The following HSD11B1L variants were observed in gnomAD, a reference collection of about 807,000 sequenced individuals.
HSD11B1L encodes hydroxysteroid 11-beta-dehydrogenase 1-like protein.
Under a neutral mutation model 27.0 loss-of-function variants are expected in HSD11B1L, and 22 were observed. The ratio of observed to expected loss-of-function variants is 0.81; its 90% CI spans 0.58 to 1.16. The LOEUF (loss-of-function observed/expected upper bound fraction) is 1.16, where lower values mean the gene tolerates loss of function less well. Among genes scored for constraint, HSD11B1L ranks in the 50% most tolerant of loss-of-function variants. HSD11B1L has a pLI of 0.00. For missense variants in HSD11B1L, 372 were observed against 401.8 expected, an observed-to-expected ratio of 0.93 and a Z score of 0.63; for synonymous variants, 187 against 189.2, an observed-to-expected ratio of 0.99 and a Z score of 0.09.
In HSD11B1L at chr19:5,685,141, T is replaced by C. The variant is rs937463970; in HGVS notation, c.204+22T>C. On this transcript the variant is annotated intron_variant, in intron 3 of 7. Transcript: ENST00000339423. This position sits in a 1 kb window ranked among gnomAD's most constrained non-coding sequence, Gnocchi z 4.3. ...GAAGGTGAGCCACCCCATGTCTAGATGAATGGTGGGGGTGCTCATGGGGGG... is the reference window on the plus strand; with the variant it reads ...GAAGGTGAGCCACCCCATGTCTAGACGAATGGTGGGGGTGCTCATGGGGGG... 113 of 1,542,120 alleles carry C rather than the reference T, an allele frequency of 7.3e-5. No individual in the cohort carries two copies. Among genetic ancestry groups the C allele is most frequent in the Non-Finnish European group, 9.3e-5 (107 of 1,146,776 alleles).
At position 5,686,903 on chromosome 19, in the gene HSD11B1L, G is replaced by C; in HGVS notation, c.320G>C (p.Gly107Ala). 4.5e-6 allele frequency: 7 copies of C among 1,547,792 alleles called. No homozygotes were observed. Among genetic ancestry groups the C allele is most frequent in the Non-Finnish European group, 6.1e-6 (7 of 1,146,254 alleles). ...CTGACCGGCGTTTCTGGGCCAGGCG[G>C]GCTGGACTACCTCGTGCTGAACCAC... is the stretch of plus-strand genomic sequence containing the variant. Reference protein sequence around the residue: ...VVQFALDKLGGLDYLVLNHIG... With the variant: ...VVQFALDKLGALDYLVLNHIG... Residue 107 changes from glycine (G) to alanine (A), a missense_variant, in exon 5 of 8, where the codon GGG (glycine) becomes GCG (alanine). Transcript: ENST00000339423.
At chr19:5,681,939 A>G (rs1406587211) in intron 1 of HSD11B1L, among the ~76,000 whole-genome samples, 1 of 152,210 alleles carries the variant, frequency 6.6e-6, no homozygotes, top group Middle Eastern at 3.2e-3. Context: ...CAGTCAGTGT[A>G]GAGCTGGGGG....
chr19:5,681,598 C>A (rs1335822817), intron 1 of HSD11B1L, among the ~76,000 whole-genome samples: 2 of 152,140 alleles, frequency 1.3e-5, no homozygotes, highest in Non-Finnish European at 2.9e-5. Context: ...ATCTATTTAT[C>A]TGGCCACCCA....
At chr19:5,683,976 GTT>G (rs1278617758) in intron 1 of HSD11B1L, 2 of 402,324 alleles carry the variant, frequency 5.0e-6, no homozygotes, top group Non-Finnish European at 8.8e-6. Flanking sequence ...TTCTTTTTTT[GTT>G]TGTTTGTTTG....
Position 5,688,186 on chromosome 19 carries a change from C to T in HSD11B1L, c.*241C>T. ...GACTTGCAAGGCCTCACCTGTTTGG[C>T]CATGATTGATGACGTGACTGCTTCC... On this transcript the variant is annotated 3_prime_UTR_variant, in exon 8 of 8. Coordinates refer to ENST00000339423, the MANE Select transcript of HSD11B1L (RefSeq NM_198706.3). 1 of 1,548,432 alleles carries T rather than the reference C, an allele frequency of 6.5e-7. No individual in the cohort carries two copies. Among genetic ancestry groups the T allele is most frequent in the Non-Finnish European group, 8.7e-7 (1 of 1,146,244 alleles).
chr19:5,682,342 G>A (rs773516529), intron 1 of HSD11B1L, among the ~76,000 whole-genome samples: 2 of 152,190 alleles, frequency 1.3e-5, no homozygotes, highest in Non-Finnish European at 2.9e-5. Flanking sequence ...ATCGGAGATG[G>A]AAGGGAGGCC....
chr19:5,685,206 G>C lies in HSD11B1L; in HGVS notation c.204+87G>C, dbSNP rs370222028. On this transcript the variant is annotated intron_variant, in intron 3 of 7. Coordinates refer to ENST00000339423, the MANE Select transcript of HSD11B1L (RefSeq NM_198706.3). This position sits in a 1 kb window ranked among gnomAD's most constrained non-coding sequence, Gnocchi z 4.3. ...GGGTTTAATCCCTGCAATGATCCAG[G>C]CTTCCCGTGTGACCTTGGGCAAGTC... The C allele has an allele frequency of 2.0e-6, 3 of 1,493,884 alleles. No individual in the cohort carries two copies. The highest frequency in any genetic ancestry group is 1.4e-5 in the African/African-American group (1 of 72,148). The allele number at this position is 1,493,884 out of a possible 1,614,324, so 92.5% of individuals were successfully genotyped here. A position where few individuals can be genotyped will look rare whatever the true frequency, so the allele number is the denominator to read the frequency against.
chr19:5,687,562 T>C lies in HSD11B1L; in HGVS notation c.562T>C (p.Phe188Leu). The change falls in exon 7 of 8, where the codon TTC becomes CTC. Residue 188 changes from phenylalanine (F) to leucine (L), a missense_variant. Physicochemically the swap from Phe to Leu is conservative, Grantham distance 22 (BLOSUM62 0). Transcript: ENST00000339423. The surrounding 1 kb of genome is among the most constrained non-coding windows in gnomAD (Gnocchi z 6.6). Reference sequence around the variant, plus strand: ...GGCGGCCAAGTTTGCGCTGGACGGCTTCTTCGGCTCCCTGCGGCGGGAGCT... The same window carrying C: ...GGCGGCCAAGTTTGCGCTGGACGGCCTCTTCGGCTCCCTGCGGCGGGAGCT... ...YSAAKFALDG[F>L]FGSLRRELDV... The C allele has an allele frequency of 6.2e-7, 1 of 1,600,186 alleles. No homozygotes were observed. Among genetic ancestry groups the C allele is most frequent in the South Asian group, 1.1e-5 (1 of 90,960 alleles).
chr19:5,682,081 C>T (rs912769126), intron 1 of HSD11B1L, among the ~76,000 whole-genome samples: 2 of 152,212 alleles, frequency 1.3e-5, no homozygotes, highest in South Asian at 2.1e-4. Flanking sequence ...GAGAACTGAA[C>T]GATTCATAGA....
chr19:5,687,180 G>A lies in HSD11B1L; in HGVS notation c.409-102G>A. ...CCTCGGACCCGCCTTCCGGGTTTCT[G>A]GCCCCGTCTCTGACCCGGCCCTGGC... On this transcript the variant is annotated intron_variant, in intron 5 of 7. Transcript: ENST00000339423. The surrounding 1 kb of genome is among the most constrained non-coding windows in gnomAD (Gnocchi z 6.6). 7.4e-7 allele frequency: 1 copy of A among 1,342,678 alleles called. No homozygotes were observed. Among genetic ancestry groups the A allele is most frequent in the South Asian group, 1.3e-5 (1 of 77,872 alleles). 83.2% of individuals were successfully genotyped at this position (1,342,678 alleles called of 1,614,324 possible).
intron 4 of HSD11B1L, 49 bp from the exon 5 acceptor site, chr19:5,686,851 C>A (rs778091679): frequency 2.1e-5 from 30 of 1,454,584 alleles, no homozygotes; most frequent in East Asian, 2.5e-5. Context: ...GGGGTTTGAT[C>A]GTTTCCTTGG....
At chr19:5,686,164 T>C (rs1372190070) in intron 3 of HSD11B1L, among the ~76,000 whole-genome samples, 1 of 152,080 alleles carries the variant, frequency 6.6e-6, no homozygotes, top group Non-Finnish European at 1.5e-5. Context: ...AATCAGGAAA[T>C]TGTAGATGAA....
chr19:5,684,471 G>T, intron 1 of HSD11B1L: 1 of 451,498 alleles, frequency 2.2e-6, no homozygotes, highest in South Asian at 3.9e-5. Flanking sequence ...CGAAGGGTCT[G>T]TTTTAGTGGA....
chr19:5,686,020 C>A (rs1037942462), intron 3 of HSD11B1L, among the ~76,000 whole-genome samples: 1 of 152,122 alleles, frequency 6.6e-6, no homozygotes, highest in Non-Finnish European at 1.5e-5. Flanking sequence ...AGTGTCCAGG[C>A]CTGTGCTGAT....
At chr19:5,686,331 G>T in intron 3 of HSD11B1L, 85 bp from the exon 4 acceptor site, 1 of 913,906 alleles carries the variant, frequency 1.1e-6, no homozygotes, top group South Asian at 1.7e-5. Flanking sequence ...TTTCAGGCGG[G>T]GGCCTCCCTA....
intron 4 of HSD11B1L, 47 bp downstream of exon 4, chr19:5,686,574 C>T: frequency 1.4e-6 from 2 of 1,441,946 alleles, no homozygotes. Context: ...GTGGCCTAGG[C>T]CTTAGGGACA....
rs2054736043 is a variant in HSD11B1L at position 5,687,595 on chromosome 19, C to T, written c.595C>T (p.Gln199Ter). 1 of 1,598,448 alleles carries T rather than the reference C, an allele frequency of 6.3e-7. No individual in the cohort carries two copies. Among genetic ancestry groups the T allele is most frequent in the Non-Finnish European group, 8.5e-7 (1 of 1,178,728 alleles). Residue 199 changes from glutamine (Q) to a stop codon, truncating the protein, a stop_gained, in exon 7 of 8, where the codon CAG (glutamine) becomes TAG (stop). Coordinates refer to ENST00000339423, the MANE Select transcript of HSD11B1L (RefSeq NM_198706.3). LOFTEE classifies it high-confidence loss of function. The surrounding 1 kb of genome is among the most constrained non-coding windows in gnomAD (Gnocchi z 6.6). ...FGSLRRELDVQDVNVAITMCV... is the reference protein window; with the variant it reads ...FGSLRRELDV ...CTCCCTGCGGCGGGAGCTGGACGTGCAGGACGTGAACGTGGCCATCACCAT... is the reference window on the plus strand; with the variant it reads ...CTCCCTGCGGCGGGAGCTGGACGTGTAGGACGTGAACGTGGCCATCACCAT...
At position 5,687,597 on chromosome 19, in the gene HSD11B1L, G is replaced by A. The variant is rs1392579631; in HGVS notation, c.597G>A (p.Gln199=). The A allele has an allele frequency of 1.9e-6, 3 of 1,598,484 alleles. No homozygotes were observed. Among genetic ancestry groups the A allele is most frequent in the South Asian group, 2.2e-5 (2 of 90,564 alleles). Residue 199 remains glutamine, a synonymous_variant, in exon 7 of 8, where the codon CAG becomes CAA. Coordinates refer to ENST00000339423, the MANE Select transcript of HSD11B1L (RefSeq NM_198706.3). The surrounding 1 kb of genome is among the most constrained non-coding windows in gnomAD (Gnocchi z 6.6). ...CCCTGCGGCGGGAGCTGGACGTGCA[G>A]GACGTGAACGTGGCCATCACCATGT... ...FGSLRRELDV[Q]DVNVAITMCV...
chr19:5,682,906 C>G (rs2054595052), intron 1 of HSD11B1L, among the ~76,000 whole-genome samples: 1 of 150,776 alleles, frequency 6.6e-6, no homozygotes, highest in African/African-American at 2.4e-5. Context: ...CAATCTCCAC[C>G]CCGCTGGGTT....
Sources: gnomAD v4.1 joint callset for allele counts (sites outside exome capture counted in the v4.1 genomes callset) on GRCh38, gnomAD v4.1.1 for gene constraint, Gnocchi (gnomAD v3.1) non-coding constraint, MANE v1.5 for transcripts, NCBI Gene and HGNC (gene_info 2026-07-23, HGNC 2026-07-21) for gene names.